PCDHGA7: variants seen among roughly 807,000 people sequenced by gnomAD.
PCDHGA7 encodes the protein protocadherin gamma subfamily A, 7.
Under a neutral mutation model 58.3 loss-of-function variants are expected in PCDHGA7, and 44 were observed. That is an observed-to-expected ratio of 0.75 (90% CI 0.59 to 0.97). PCDHGA7 has a LOEUF of 0.97. Ranked by LOEUF, PCDHGA7 falls within the 50% of genes least tolerant of loss-of-function variation. The pLI is 0.00. For synonymous variants in PCDHGA7, 516 were observed against 504.2 expected, an observed-to-expected ratio of 1.02 and a Z score of -0.31; for missense variants, 1,266 against 1,188.7, an observed-to-expected ratio of 1.06 and a Z score of -0.96.
At position 141,448,827 on chromosome 5, in the gene PCDHGA7, C is replaced by T. The variant is rs540550537; in HGVS notation, c.2425-45980C>T. ...AGGCGTGATGGCGGGCGCCTGTAGT[C>T]CCAGCTACTCTGGAGGCTGAGGCAG... On this transcript the variant is annotated intron_variant, in intron 1 of 3. Transcript: ENST00000518325. Among the ~76,000 whole-genome samples the T allele has an allele frequency of 1.6e-4, 25 of 152,108 alleles. No homozygotes were observed. In the South Asian group the frequency reaches 4.2e-3, roughly 25 times the overall value.
At chr5:141,418,530 G>C in intron 1 of PCDHGA7, 1 of 1,613,952 alleles carries the variant, frequency 6.2e-7, no homozygotes, top group Non-Finnish European at 8.5e-7. Flanking sequence ...CCCCGAAGCG[G>C]TACTGCTCAG....
chr5:141,434,948 T>C (rs1486185815), intron 1 of PCDHGA7, among the ~76,000 whole-genome samples: 1 of 151,828 alleles, frequency 6.6e-6, no homozygotes, highest in East Asian at 1.9e-4. Flanking sequence ...ATATAATTTA[T>C]TAACAATTTA....
At chr5:141,466,549 T>C (rs778708029) in intron 1 of PCDHGA7, among the ~76,000 whole-genome samples, 2 of 152,244 alleles carry the variant, frequency 1.3e-5, no homozygotes, top group African/African-American at 2.4e-5. Flanking sequence ...GGTCTTTTGC[T>C]GTGGGCTTCA....
intron 1 of PCDHGA7, among the ~76,000 whole-genome samples, chr5:141,445,597 G>T (rs2098471988): frequency 6.6e-6 from 1 of 152,200 alleles, no homozygotes; most frequent in African/African-American, 2.4e-5. Context: ...TAATCTGAAG[G>T]TCAAGGAAGG....
chr5:141,415,080 C>T (rs1426953509), intron 1 of PCDHGA7: 1 of 1,613,526 alleles, frequency 6.2e-7, no homozygotes, highest in African/African-American at 1.3e-5. Context: ...CGGCGCGAGC[C>T]CTGCTGGACA....
At chr5:141,405,227 C>A (rs562247940) in intron 1 of PCDHGA7, 1 of 1,614,114 alleles carries the variant, frequency 6.2e-7, no homozygotes. Context: ...GGAGTTCTCC[C>A]TCACCGCTGA....
chr5:141,460,741 A>C (rs1378900827), intron 1 of PCDHGA7, among the ~76,000 whole-genome samples: 1 of 152,128 alleles, frequency 6.6e-6, no homozygotes, highest in African/African-American at 2.4e-5. Flanking sequence ...CACATTGTAT[A>C]TATATGTGTA....
In PCDHGA7 at chr5:141,431,135, A is replaced by T. The variant is rs140069213; in HGVS notation, c.2424+45812A>T. On this transcript the variant is annotated intron_variant, in intron 1 of 3. Transcript: ENST00000518325. This position sits in a 1 kb window ranked among gnomAD's most constrained non-coding sequence, Gnocchi z 4.8. ...TGGAGTAGAAGTAGAAGTAAGGGAC[A>T]TTAACGACAATGCGCCTTACTTTCG... 1 of 1,614,266 alleles carries T rather than the reference A, an allele frequency of 6.2e-7. No homozygotes were observed. Among genetic ancestry groups the T allele is most frequent in the African/African-American group, 1.3e-5 (1 of 75,078 alleles).
chr5:141,487,340 G>A lies in PCDHGA7; in HGVS notation c.2425-7467G>A, dbSNP rs2099643329. 6.2e-7 allele frequency: 1 copy of A among 1,614,182 alleles called. No individual in the cohort carries two copies. Among genetic ancestry groups the A allele is most frequent in the Admixed American group, 1.7e-5 (1 of 60,024 alleles). The stretch of plus-strand genomic sequence containing the variant: ...GTGTCTTCGTGGGGCAGCCTGTGGA[G>A]TCACATGCTTTCCTGCTGGCACCTG... On this transcript the variant is annotated intron_variant, in intron 1 of 3. Coordinates refer to ENST00000518325, the MANE Select transcript of PCDHGA7 (RefSeq NM_018920.4). This position sits in a 1 kb window ranked among gnomAD's most constrained non-coding sequence, Gnocchi z 5.0.
intron 1 of PCDHGA7, chr5:141,478,167 G>A: frequency 6.2e-7 from 1 of 1,613,772 alleles, no homozygotes; most frequent in Non-Finnish European, 8.5e-7. Context: ...TCTGCCCCCC[G>A]GGAGCAGAAA....
intron 1 of PCDHGA7, among the ~76,000 whole-genome samples, chr5:141,481,869 G>A (rs909237712): frequency 4.1e-5 from 6 of 146,780 alleles, no homozygotes; most frequent in East Asian, 2.0e-4. Flanking sequence ...AGCCGAGATC[G>A]CGCCACTGCA....
In PCDHGA7 at chr5:141,419,425, C is replaced by T. The variant is rs3749766; in HGVS notation, c.2424+34102C>T. Reference sequence around the variant, plus strand: ...TGTTCGCGCAGCGCGCCTTCGACCACGAGCAGCTGCGCACCTTCGAGCTCA... The same window carrying T: ...TGTTCGCGCAGCGCGCCTTCGACCATGAGCAGCTGCGCACCTTCGAGCTCA... On this transcript the variant is annotated intron_variant, in intron 1 of 3. Transcript: ENST00000518325. 284 of 1,613,316 alleles carry T rather than the reference C, an allele frequency of 1.8e-4. 1 individual carries two copies. The East Asian group carries it at 5.9e-3, about 34-fold the overall frequency.
chr5:141,458,464 G>A (rs1035826436), intron 1 of PCDHGA7, among the ~76,000 whole-genome samples: 30 of 152,030 alleles, frequency 2.0e-4, no homozygotes, highest in Admixed American at 9.8e-4. Flanking sequence ...TTAAAATACC[G>A]TACAACTGCA....
intron 3 of PCDHGA7, among the ~76,000 whole-genome samples, chr5:141,507,645 G>A (rs565235954): frequency 6.6e-6 from 1 of 152,382 alleles, no homozygotes; most frequent in South Asian, 2.1e-4. Flanking sequence ...CTGAGGCCAG[G>A]AAGCAGCTTT....
chr5:141,491,379 A>G lies in PCDHGA7; in HGVS notation c.2425-3428A>G, dbSNP rs140150079. 423 of 1,613,968 alleles carry G rather than the reference A, an allele frequency of 2.6e-4. No homozygotes were observed. Among genetic ancestry groups the G allele is most frequent in the Non-Finnish European group, 3.0e-4 (359 of 1,179,986 alleles). On this transcript the variant is annotated intron_variant, in intron 1 of 3. Transcript: ENST00000518325. The surrounding 1 kb of genome is among the most constrained non-coding windows in gnomAD (Gnocchi z 6.9). ...CCCTAGTCACCTTCACCTTTCTGTC[A>G]GCGAAGTGCCTTCAGGGAAACGCAG...
chr5:141,419,638 C>G, intron 1 of PCDHGA7: 1 of 1,612,456 alleles, frequency 6.2e-7, no homozygotes, highest in Non-Finnish European at 8.5e-7. Context: ...AGGTGGTGGC[C>G]GTGGACGCGG....
In PCDHGA7 at chr5:141,476,833, C is replaced by T. The variant is rs746365316; in HGVS notation, c.2425-17974C>T. 1.4e-5 allele frequency: 23 copies of T among 1,613,524 alleles called. No homozygotes were observed. Among genetic ancestry groups the T allele is most frequent in the Non-Finnish European group, 1.9e-5 (23 of 1,180,050 alleles). On this transcript the variant is annotated intron_variant, in intron 1 of 3. Coordinates refer to ENST00000518325, the MANE Select transcript of PCDHGA7 (RefSeq NM_018920.4). The surrounding 1 kb of genome is among the most constrained non-coding windows in gnomAD (Gnocchi z 7.6). Reference sequence around the variant, plus strand: ...ACATCAAGGTGCTGGACGCGAATGACAATGCGCCTGTCTTCAACCAGTCCT... The same window carrying T: ...ACATCAAGGTGCTGGACGCGAATGATAATGCGCCTGTCTTCAACCAGTCCT...
intron 1 of PCDHGA7, 124 bp from the exon 2 acceptor site, chr5:141,494,683 C>G: frequency 6.4e-7 from 1 of 1,569,074 alleles, no homozygotes; most frequent in Non-Finnish European, 8.7e-7. Context: ...CCCCTGCCCC[C>G]TCTTAGTCCG....
At chr5:141,441,004 C>G (rs1258800474) in intron 1 of PCDHGA7, 1 of 152,066 alleles carries the variant, frequency 6.6e-6, no homozygotes, top group African/African-American at 2.4e-5. Flanking sequence ...TCTAGTTTGG[C>G]CTTGATCAAA....
Sources: allele counts gnomAD v4.1 joint callset (sites outside exome capture counted in the v4.1 genomes callset), GRCh38; gene constraint gnomAD v4.1.1; non-coding constraint Gnocchi (gnomAD v3.1); transcripts MANE v1.5; gene names NCBI Gene and HGNC (gene_info 2026-07-23, HGNC 2026-07-21).